The following NRXN3 variants were observed in gnomAD, a reference collection of about 807,000 sequenced individuals.
The protein encoded by NRXN3 is neurexin III.
Under a neutral mutation model 137.6 loss-of-function variants are expected in NRXN3, and 32 were observed. That is an observed-to-expected ratio of 0.23 (90% CI 0.18 to 0.31). NRXN3 has a LOEUF of 0.31. NRXN3 is among the 10% of genes least tolerant of loss of function. The pLI is 1.00. For synonymous variants in NRXN3, 798 were observed against 784.5 expected (o/e 1.02, Z -0.29); for missense variants, 1,574 against 2,062.5 (o/e 0.76, Z 4.59).
chr14:79,436,331 CTT>C (rs898496780), intron 15 of NRXN3, among the ~76,000 whole-genome samples: 4 of 152,162 alleles, frequency 2.6e-5, no homozygotes, highest in Non-Finnish European at 4.4e-5. Context: ...AATAAAAACA[CTT>C]TTCCTTTCCT....
intron 4 of NRXN3, 95 bp downstream of exon 4, chr14:78,297,955 T>G: frequency 2.8e-6 from 4 of 1,420,124 alleles, no homozygotes; most frequent in Non-Finnish European, 3.8e-6. Flanking sequence ...TGGCAGGCCA[T>G]TCGCTGCCTG....
chr14:78,723,346 A>G (rs2098468837), intron 8 of NRXN3, among the ~76,000 whole-genome samples: 1 of 152,260 alleles, frequency 6.6e-6, no homozygotes, highest in Non-Finnish European at 1.5e-5. Flanking sequence ...TAAATAAAAA[A>G]GGGGCAATGT....
intron 8 of NRXN3, among the ~76,000 whole-genome samples, chr14:78,778,821 T>C (rs1371638389): frequency 7.3e-6 from 1 of 137,134 alleles, no homozygotes; most frequent in African/African-American, 2.7e-5. Flanking sequence ...TCTTTCTTTC[T>C]TTTCCTTCTT....
chr14:78,395,154 TC>T (rs1225735890), intron 4 of NRXN3, among the ~76,000 whole-genome samples: 3 of 151,750 alleles, frequency 2.0e-5, no homozygotes, highest in African/African-American at 2.4e-5. Flanking sequence ...AAATTTGACT[TC>T]CCCCCCTTTT....
intron 2 of NRXN3, among the ~76,000 whole-genome samples, chr14:78,245,176 G>T (rs1425170213): frequency 1.3e-5 from 2 of 152,132 alleles, no homozygotes; most frequent in Non-Finnish European, 1.5e-5. Context: ...GTTTTATGTT[G>T]CCATCCCCTA....
intron 15 of NRXN3, among the ~76,000 whole-genome samples, chr14:79,015,917 A>G (rs1268000019): frequency 6.6e-6 from 1 of 152,104 alleles, no homozygotes; most frequent in Non-Finnish European, 1.5e-5. Flanking sequence ...TGCCTTGTCC[A>G]CAACATCCTA....
chr14:79,717,514 T>C (rs976398692), intron 19 of NRXN3, among the ~76,000 whole-genome samples: 6 of 152,220 alleles, frequency 3.9e-5, no homozygotes, highest in African/African-American at 1.2e-4. Context: ...ATTTAATTAC[T>C]TTGCACTTTT....
At chr14:79,787,608 T>G (rs1025885246) in intron 19 of NRXN3, among the ~76,000 whole-genome samples, 3 of 152,204 alleles carry the variant, frequency 2.0e-5, no homozygotes, top group Non-Finnish European at 2.9e-5. Context: ...TCTGTGAGTT[T>G]GACTTTTTAG....
chr14:78,726,966 A>AAAAC (rs1555459145), intron 8 of NRXN3, among the ~76,000 whole-genome samples: 1 of 150,910 alleles, frequency 6.6e-6, no homozygotes, highest in Non-Finnish European at 1.5e-5. Flanking sequence ...CACTAAAAAA[A>AAAAC]AAAAAAAAAA....
intron 4 of NRXN3, among the ~76,000 whole-genome samples, chr14:78,430,827 C>A (rs905421178): frequency 6.6e-6 from 1 of 152,180 alleles, no homozygotes; most frequent in Non-Finnish European, 1.5e-5. Flanking sequence ...TCACTTGGTA[C>A]TGACCTTGTA....
At chr14:79,086,283 T>A (rs1354861848) in intron 15 of NRXN3, among the ~76,000 whole-genome samples, 1 of 152,128 alleles carries the variant, frequency 6.6e-6, no homozygotes, top group Non-Finnish European at 1.5e-5. Context: ...CTCAAGGCCG[T>A]GTATCTGGTT....
chr14:78,356,590 G>A (rs968948849), intron 4 of NRXN3, among the ~76,000 whole-genome samples: 3 of 152,094 alleles, frequency 2.0e-5, no homozygotes, highest in East Asian at 1.9e-4. Context: ...CCAGAACCCC[G>A]TTACCAGGGA....
intron 16 of NRXN3, among the ~76,000 whole-genome samples, chr14:79,662,489 GT>G (rs2098538959): frequency 6.6e-6 from 1 of 152,114 alleles, no homozygotes; most frequent in South Asian, 2.1e-4. Context: ...TATGCTTTGT[GT>G]TTTAGTGCAC....
In NRXN3 at chr14:79,698,007, C is replaced by T. The variant is rs1252411381; in HGVS notation, c.4014+70C>T. ...TGCAACATTGTTATCATGGTCATTG[C>T]TTTATGTAGCTAAAGAGTTTGAATT... On this transcript the variant is annotated intron_variant, in intron 19 of 20. Coordinates refer to ENST00000335750, the MANE Select transcript of NRXN3 (RefSeq NM_001330195.2). 5 of 1,356,378 alleles carry T rather than the reference C, an allele frequency of 3.7e-6. No individual in the cohort carries two copies. In the Admixed American group the frequency reaches 5.6e-5, roughly 15 times the overall value. 84.0% of individuals were successfully genotyped at this position (1,356,378 alleles called of 1,614,324 possible).
At chr14:79,228,530 A>G (rs1219507530) in intron 15 of NRXN3, among the ~76,000 whole-genome samples, 1 of 152,182 alleles carries the variant, frequency 6.6e-6, no homozygotes, top group Non-Finnish European at 1.5e-5. Context: ...TTCCTACCTG[A>G]CAGAGGACAC....
chr14:79,538,001 G>A (rs922671124), intron 16 of NRXN3, among the ~76,000 whole-genome samples: 2 of 152,150 alleles, frequency 1.3e-5, no homozygotes, highest in Non-Finnish European at 2.9e-5. Context: ...GTATGAGATG[G>A]TGTCTCATTG....
At chr14:79,838,715 G>A (rs964942156) in intron 20 of NRXN3, among the ~76,000 whole-genome samples, 2 of 152,118 alleles carry the variant, frequency 1.3e-5, no homozygotes, top group African/African-American at 4.8e-5. Context: ...CTGCTGCCAT[G>A]CTAGTGTCCA....
intron 15 of NRXN3, among the ~76,000 whole-genome samples, chr14:79,159,591 A>G (rs1400511636): frequency 6.6e-6 from 1 of 151,610 alleles, no homozygotes; most frequent in Non-Finnish European, 1.5e-5. Context: ...TCTCAACATC[A>G]TTTTATCCCT....
At chr14:79,541,560 C>T (rs1035841761) in intron 16 of NRXN3, among the ~76,000 whole-genome samples, 16 of 152,072 alleles carry the variant, frequency 1.1e-4, no homozygotes, top group African/African-American at 3.6e-4. Context: ...CACTATTTAA[C>T]CCACTACAAG....
Sources: gnomAD v4.1 joint callset for allele counts (sites outside exome capture counted in the v4.1 genomes callset) on GRCh38, gnomAD v4.1.1 for gene constraint, MANE v1.5 for transcripts, NCBI Gene and HGNC (gene_info 2026-07-23, HGNC 2026-07-21) for gene names.